The following SUPT5H variants were observed in gnomAD, a reference collection of about 807,000 sequenced individuals.
The protein encoded by SUPT5H is transcription elongation factor SPT5.
Under a neutral mutation model 142.5 loss-of-function variants are expected in SUPT5H, and 24 were observed. That is an observed-to-expected ratio of 0.17 (90% CI 0.12 to 0.24). The LOEUF (loss-of-function observed/expected upper bound fraction) is 0.24. SUPT5H is among the 10% of genes least tolerant of loss of function. The pLI, the probability that SUPT5H is intolerant of heterozygous loss-of-function variation, is 1.00. For synonymous variants in SUPT5H, 546 were observed against 553.0 expected (o/e 0.99, Z 0.18); for missense variants, 893 against 1,471.8 (o/e 0.61, Z 6.43).
Position 39,458,118 on chromosome 19 carries a change from G to A in SUPT5H, c.308-176G>A. On this transcript the variant is annotated intron_variant, in intron 4 of 29. Transcript: ENST00000432763. This position sits in a 1 kb window ranked among gnomAD's most constrained non-coding sequence, Gnocchi z 4.2. ...CATTTCGGCTTCTCCCCAACCACCT[G>A]GTGCCTGGCCTTTACTTTTGGTTTT... 1 of 1,124,204 alleles carries A rather than the reference G, an allele frequency of 8.9e-7. No homozygotes were observed. Among genetic ancestry groups the A allele is most frequent in the Non-Finnish European group, 1.2e-6 (1 of 808,356 alleles). 69.6% of individuals were successfully genotyped at this position (1,124,204 alleles called of 1,614,324 possible).
At chr19:39,468,026 C>G (rs1469463129) in intron 13 of SUPT5H, 1 of 152,250 alleles carries the variant, frequency 6.6e-6, no homozygotes, top group East Asian at 1.9e-4. Flanking sequence ...CTCCCAGATT[C>G]ACCATGGGAG....
chr19:39,457,584 G>A, intron 3 of SUPT5H, 91 bp from the exon 4 acceptor site: 1 of 1,561,250 alleles, frequency 6.4e-7, no homozygotes, highest in Non-Finnish European at 8.7e-7. Flanking sequence ...GTGGGGATTT[G>A]TAGTGCACAT....
At chr19:39,462,350 C>G (rs2079173882) in intron 10 of SUPT5H, among the ~76,000 whole-genome samples, 1 of 152,136 alleles carries the variant, frequency 6.6e-6, no homozygotes, top group African/African-American at 2.4e-5. Context: ...ACTCCCCATT[C>G]CTCCCTCCTC....
At chr19:39,455,421 G>A (rs2079074403) in intron 3 of SUPT5H, among the ~76,000 whole-genome samples, 1 of 151,840 alleles carries the variant, frequency 6.6e-6, no homozygotes, top group African/African-American at 2.4e-5. Context: ...AATTAGCTGG[G>A]CGTGGTGGCG....
chr19:39,464,790 C>T lies in SUPT5H; in HGVS notation c.625-8C>T, dbSNP rs2079213001. The T allele has an allele frequency of 6.9e-6, 11 of 1,592,878 alleles. No homozygotes were observed. Among genetic ancestry groups the T allele is most frequent in the Non-Finnish European group, 9.4e-6 (11 of 1,164,284 alleles). ...ACTGTTTCCTCCTTCCACCGGCTCA[C>T]CCTGCAGCCCCTGCAGATCAAGTCA... On this transcript the variant is annotated splice_region_variant and splice_polypyrimidine_tract_variant and intron_variant, in intron 10 of 29. Coordinates refer to ENST00000432763, the MANE Select transcript of SUPT5H (RefSeq NM_001111020.3).
rs949436811 is a variant in SUPT5H at position 39,472,937 on chromosome 19, G to A, written c.2155+8G>A. 3 of 1,612,540 alleles carry A rather than the reference G, an allele frequency of 1.9e-6. No individual in the cohort carries two copies. Among genetic ancestry groups the A allele is most frequent in the Non-Finnish European group, 1.7e-6 (2 of 1,178,958 alleles). ...CCCAGGGGCCCTACAAAGGTGACCTGCGAGGCCTGTGGAGGCCTGGGGAGG... is the reference window on the plus strand; with the variant it reads ...CCCAGGGGCCCTACAAAGGTGACCTACGAGGCCTGTGGAGGCCTGGGGAGG... On this transcript the variant is annotated splice_region_variant and intron_variant, in intron 22 of 29. Coordinates refer to ENST00000432763, the MANE Select transcript of SUPT5H (RefSeq NM_001111020.3). This position sits in a 1 kb window ranked among gnomAD's most constrained non-coding sequence, Gnocchi z 4.2.
Position 39,476,544 on chromosome 19 carries a change from T to G in SUPT5H, c.*145T>G, listed in dbSNP as rs968276940. The G allele has an allele frequency of 9.0e-7, 1 of 1,108,242 alleles. No homozygotes were observed. The highest frequency in any genetic ancestry group is 2.6e-5 in the Admixed American group (1 of 38,628). 68.7% of individuals were successfully genotyped at this position (1,108,242 alleles called of 1,614,324 possible). A position where few individuals can be genotyped will look rare whatever the true frequency, so the allele number is the denominator to read the frequency against. On this transcript the variant is annotated 3_prime_UTR_variant, in exon 30 of 30. Coordinates refer to ENST00000432763, the MANE Select transcript of SUPT5H (RefSeq NM_001111020.3). ...TTTTTCCTTTTAGTTTTCCATCTTT[T>G]CCCTCCCTGGTGCTCATTGGAATCT...
At chr19:39,464,689 G>A in intron 10 of SUPT5H, 109 bp from the exon 11 acceptor site, 4 of 1,466,732 alleles carry the variant, frequency 2.7e-6, no homozygotes, top group Non-Finnish European at 3.7e-6. Context: ...GTGCCAGTGT[G>A]TTTCTGTGGA....
chr19:39,453,739 T>C (rs909255455), intron 3 of SUPT5H, among the ~76,000 whole-genome samples: 1 of 152,210 alleles, frequency 6.6e-6, no homozygotes, highest in African/African-American at 2.4e-5. Context: ...TAATTTTTTC[T>C]ATTTTTTAGT....
At chr19:39,456,576 C>G (rs1294601379) in intron 3 of SUPT5H, among the ~76,000 whole-genome samples, 4 of 151,712 alleles carry the variant, frequency 2.6e-5, no homozygotes, top group Non-Finnish European at 5.9e-5. Context: ...CACCACCATA[C>G]CTGACTAATT....
intron 3 of SUPT5H, among the ~76,000 whole-genome samples, chr19:39,455,625 T>G (rs1462014458): frequency 6.9e-6 from 1 of 144,848 alleles, no homozygotes; most frequent in Non-Finnish European, 1.5e-5. Flanking sequence ...TTTTCTTTTC[T>G]TCTTTTTTTT....
At chr19:39,448,382 G>T (rs2078979260) in intron 2 of SUPT5H, among the ~76,000 whole-genome samples, 1 of 152,144 alleles carries the variant, frequency 6.6e-6, no homozygotes, top group Non-Finnish European at 1.5e-5. Flanking sequence ...GACAGGGAGG[G>T]CCTTTTCTCT....
intron 3 of SUPT5H, among the ~76,000 whole-genome samples, chr19:39,455,526 T>C (rs2079076019): frequency 6.6e-6 from 1 of 151,248 alleles, no homozygotes; most frequent in Admixed American, 6.6e-5. Flanking sequence ...TGCTGCACTC[T>C]AGCTTGGGTG....
chr19:39,475,756 G>A (rs921928033), intron 28 of SUPT5H: 1 of 326,250 alleles, frequency 3.1e-6, no homozygotes, highest in African/African-American at 2.1e-5. Context: ...TGCAGACCAT[G>A]GGGCGGTCCC....
At chr19:39,453,666 GCCATT>G in intron 3 of SUPT5H, 145 bp downstream of exon 3, 5 of 983,414 alleles carry the variant, frequency 5.1e-6, no homozygotes, top group South Asian at 3.1e-5. Context: ...GCAAGTTCAT[GCCATT>G]CTCCTGCCTC....
rs2079281900 is a variant in SUPT5H, at chr19:39,469,059, C to T, written c.1144-20C>T. 1 of 1,613,646 alleles carries T rather than the reference C, an allele frequency of 6.2e-7. No homozygotes were observed. The highest frequency in any genetic ancestry group is 8.5e-7 in the Non-Finnish European group (1 of 1,179,916). On this transcript the variant is annotated intron_variant, in intron 14 of 29. Coordinates refer to ENST00000432763, the MANE Select transcript of SUPT5H (RefSeq NM_001111020.3). The surrounding 1 kb of genome is among the most constrained non-coding windows in gnomAD (Gnocchi z 5.1). Reference sequence around the variant, plus strand: ...ACCTCGGTCCATTTCCTTCTCTTCCCCTCACCGCTGGGGGCTTAGATCACG... The same window carrying T: ...ACCTCGGTCCATTTCCTTCTCTTCCTCTCACCGCTGGGGGCTTAGATCACG...
chr19:39,453,985 T>C (rs998146401), intron 3 of SUPT5H, among the ~76,000 whole-genome samples: 2 of 152,248 alleles, frequency 1.3e-5, no homozygotes, highest in South Asian at 2.1e-4. Context: ...TTTATTGAAG[T>C]ACAGTTATCA....
At chr19:39,449,458 G>A (rs970756275) in intron 2 of SUPT5H, among the ~76,000 whole-genome samples, 50 of 152,124 alleles carry the variant, frequency 3.3e-4, no homozygotes, top group Non-Finnish European at 6.6e-4. Flanking sequence ...TCTGTGCTTG[G>A]CCTTGGGCTG....
chr19:39,473,637 C>T lies in SUPT5H; in HGVS notation c.2492+116C>T. The T allele has an allele frequency of 6.5e-6, 8 of 1,229,534 alleles. No homozygotes were observed. The highest frequency in any genetic ancestry group is 8.9e-6 in the Non-Finnish European group (8 of 894,310). 76.2% of individuals were successfully genotyped at this position (1,229,534 alleles called of 1,614,324 possible). ...CCACCCAGCATTCTCTGCTCCTAGC[C>T]TCAGGCTGGTCCCTTTGAAGGAGGA... On this transcript the variant is annotated intron_variant, in intron 25 of 29. Transcript: ENST00000432763. This position sits in a 1 kb window ranked among gnomAD's most constrained non-coding sequence, Gnocchi z 5.8.
Sources: allele counts gnomAD v4.1 joint callset (sites outside exome capture counted in the v4.1 genomes callset), GRCh38; gene constraint gnomAD v4.1.1; non-coding constraint Gnocchi (gnomAD v3.1); transcripts MANE v1.5; gene names NCBI Gene and HGNC (gene_info 2026-07-23, HGNC 2026-07-21).